Variants in PDIA5 observed in about 807,000 individuals in gnomAD.
PDIA5 encodes the protein protein disulfide-isomerase A5.
A neutral mutation model predicts 77.6 loss-of-function variants in PDIA5; 58 were observed. The observed-to-expected ratio is 0.75, with a 90% CI of 0.61 to 0.93. PDIA5 has a LOEUF of 0.93. PDIA5 is among the 40% of genes least tolerant of loss of function. PDIA5 has a pLI of 0.00. For missense variants in PDIA5, 630 were observed against 647.7 expected, an observed-to-expected ratio of 0.97 and a Z score of 0.30; for synonymous variants, 250 against 252.1, an observed-to-expected ratio of 0.99 and a Z score of 0.08.
At chr3:123,095,857 G>C (rs370785226) in intron 3 of PDIA5, among the ~76,000 whole-genome samples, 1 of 152,086 alleles carries the variant, frequency 6.6e-6, no homozygotes, top group South Asian at 2.1e-4. Context: ...TAGCTGTGGG[G>C]CCTTTGGCAA....
chr3:123,135,829 T>G (rs1455228394), intron 11 of PDIA5, among the ~76,000 whole-genome samples: 3 of 149,736 alleles, frequency 2.0e-5, no homozygotes, highest in Admixed American at 1.3e-4. Context: ...TTAACTTTTA[T>G]TTTTTAAAAG....
chr3:123,116,426 G>C, intron 8 of PDIA5, 128 bp downstream of exon 8: 1 of 700,724 alleles, frequency 1.4e-6, no homozygotes, highest in South Asian at 1.7e-5. Flanking sequence ...CTGGGCCGTT[G>C]CTGAATCGCA....
rs190356801 is a variant in PDIA5, at chr3:123,130,665, G to A, written c.910+49G>A. Reference sequence around the variant, plus strand: ...CCTCCACACCCTCCCCTCTCTCAGAGTAGGATGAGTGTGGCGCTTTGCAAT... The same window carrying A: ...CCTCCACACCCTCCCCTCTCTCAGAATAGGATGAGTGTGGCGCTTTGCAAT... On this transcript the variant is annotated intron_variant, in intron 11 of 16. Coordinates refer to ENST00000316218, the MANE Select transcript of PDIA5 (RefSeq NM_006810.4). 17 of 1,599,796 alleles carry A rather than the reference G, an allele frequency of 1.1e-5. No homozygotes were observed. The Middle Eastern group carries it at 5.0e-4, about 47-fold the overall frequency.
chr3:123,135,021 G>A (rs373022039), intron 11 of PDIA5, among the ~76,000 whole-genome samples: 8 of 152,200 alleles, frequency 5.3e-5, no homozygotes, highest in African/African-American at 1.9e-4. Flanking sequence ...CCCCAGGCCC[G>A]GTTTTCCCAC....
At chr3:123,154,190 C>A (rs1205215002) in intron 14 of PDIA5, among the ~76,000 whole-genome samples, 1 of 152,108 alleles carries the variant, frequency 6.6e-6, no homozygotes, top group East Asian at 1.9e-4. Context: ...AGGGTGATGC[C>A]CAGAACAAGA....
chr3:123,086,936 T>C (rs1264996572), intron 1 of PDIA5, among the ~76,000 whole-genome samples: 1 of 152,208 alleles, frequency 6.6e-6, no homozygotes, highest in African/African-American at 2.4e-5. Flanking sequence ...TCCTTGAGAA[T>C]TGTGAAGCCA....
intron 1 of PDIA5, among the ~76,000 whole-genome samples, chr3:123,082,395 A>C (rs1328983598): frequency 6.6e-6 from 1 of 151,996 alleles, no homozygotes; most frequent in Non-Finnish European, 1.5e-5. Context: ...TCTGAGCCTC[A>C]GTTTCTTCAT....
intron 11 of PDIA5, among the ~76,000 whole-genome samples, chr3:123,136,731 A>G (rs1455920798): frequency 1.3e-5 from 2 of 150,918 alleles, no homozygotes; most frequent in East Asian, 3.9e-4. Flanking sequence ...AAGACAAAAA[A>G]AAAAAAAAAA....
At chr3:123,131,922 T>G (rs1344236968) in intron 11 of PDIA5, among the ~76,000 whole-genome samples, 1 of 151,988 alleles carries the variant, frequency 6.6e-6, no homozygotes, top group Non-Finnish European at 1.5e-5. Context: ...CAGTGCCTCA[T>G]GGAGCAGGGC....
intron 11 of PDIA5, among the ~76,000 whole-genome samples, chr3:123,141,268 C>T (rs1001283216): frequency 1.3e-5 from 2 of 152,202 alleles, no homozygotes; most frequent in African/African-American, 4.8e-5. Flanking sequence ...ACAGCACCAT[C>T]CATATCATGG....
chr3:123,135,206 T>G (rs1935470268), intron 11 of PDIA5, among the ~76,000 whole-genome samples: 1 of 152,182 alleles, frequency 6.6e-6, no homozygotes, highest in African/African-American at 2.4e-5. Flanking sequence ...TCTAGTAACT[T>G]CAGGTCTGCA....
At chr3:123,141,674 T>A (rs1935640445) in intron 11 of PDIA5, among the ~76,000 whole-genome samples, 1 of 152,128 alleles carries the variant, frequency 6.6e-6, no homozygotes, top group African/African-American at 2.4e-5. Flanking sequence ...GGCAGGGAGA[T>A]CCCTTTAAGA....
At chr3:123,152,265 A>T (rs933281688) in intron 14 of PDIA5, among the ~76,000 whole-genome samples, 1 of 152,136 alleles carries the variant, frequency 6.6e-6, no homozygotes, top group African/African-American at 2.4e-5. Flanking sequence ...CAAGGGAGGG[A>T]GACATGTCCC....
intron 14 of PDIA5, among the ~76,000 whole-genome samples, chr3:123,153,778 G>T (rs1935962940): frequency 6.6e-6 from 1 of 152,214 alleles, no homozygotes; most frequent in Non-Finnish European, 1.5e-5. Context: ...TAAACTTGTA[G>T]CTTAGCCTTA....
rs538767276 is a variant in PDIA5, at chr3:123,098,181, C to A, written c.258-4230C>A. Among the ~76,000 whole-genome samples the A allele has an allele frequency of 3.9e-5, 6 of 152,288 alleles. No individual in the cohort carries two copies. In the East Asian group the frequency reaches 1.2e-3, roughly 29 times the overall value. On this transcript the variant is annotated intron_variant, in intron 3 of 16. Transcript: ENST00000316218. ...CGTAGAGAAATCAAGCTCCATTCAG[C>A]TTATGTGGATAACTCCGGCATTTTG...
chr3:123,130,734 C>A, intron 11 of PDIA5, 118 bp downstream of exon 11: 2 of 1,161,330 alleles, frequency 1.7e-6, no homozygotes, highest in South Asian at 1.4e-5. Flanking sequence ...AGGACCCATG[C>A]TAAGCCAGGG....
In PDIA5 at chr3:123,102,475, G is replaced by T. The variant is rs1263223361; in HGVS notation, c.322G>T (p.Val108Phe). ...KVDLSPKDKK[V>F]ELFHYQDGAF... is the part of the protein sequence containing the mutation. The stretch of plus-strand genomic sequence containing the variant: ...TGACCTGAGCCCGAAGGACAAAAAG[G>T]TTGAATTATTCCATTACCAGTAAGT... Residue 108 changes from valine (V) to phenylalanine (F), a missense_variant, in exon 4 of 17, where the codon GTT (valine) becomes TTT (phenylalanine). Physicochemically the swap from Val to Phe is conservative, Grantham distance 50. Coordinates refer to ENST00000316218, the MANE Select transcript of PDIA5 (RefSeq NM_006810.4). 3 of 1,613,700 alleles carry T rather than the reference G, an allele frequency of 1.9e-6. No individual in the cohort carries two copies. The highest frequency in any genetic ancestry group is 2.5e-6 in the Non-Finnish European group (3 of 1,179,570).
At chr3:123,096,334 G>A (rs926491987) in intron 3 of PDIA5, among the ~76,000 whole-genome samples, 15 of 141,094 alleles carry the variant, frequency 1.1e-4, no homozygotes, top group Non-Finnish European at 6.2e-5. Context: ...CAGTAGGCGC[G>A]TACCACCACG....
rs1192974068 is a variant in PDIA5 at position 123,124,138 on chromosome 3, C to A, written c.682C>A (p.Pro228Thr). The A allele has an allele frequency of 5.6e-6, 9 of 1,613,536 alleles. No homozygotes were observed. The highest frequency in any genetic ancestry group is 1.7e-5 in the Admixed American group (1 of 60,006). The stretch of plus-strand genomic sequence containing the variant: ...GGAGGAGTACAGCGTGCGCGGCTTC[C>A]CCACCATCTGCTATTTTGAGTACGT... The part of the protein sequence containing the change: ...IKEEYSVRGF[P>T]TICYFEKGRF... The change falls in exon 9 of 17, where the codon CCC becomes ACC. Residue 228 changes from proline to threonine, a missense_variant. By Grantham distance (38) the Pro-to-Thr change is conservative. Transcript: ENST00000316218.
Sources: allele counts gnomAD v4.1 joint callset (sites outside exome capture counted in the v4.1 genomes callset), GRCh38; gene constraint gnomAD v4.1.1; transcripts MANE v1.5; gene names NCBI Gene and HGNC (gene_info 2026-07-23, HGNC 2026-07-21).